B4GALT5: variants seen among roughly 807,000 people sequenced by gnomAD.
The protein encoded by B4GALT5 is UDP-Gal:beta-GlcNAc beta-1,4-galactosyltransferase 5.
Under a neutral mutation model 45.0 loss-of-function variants are expected in B4GALT5, and 11 were observed. That is an observed-to-expected ratio of 0.24 (90% CI 0.15 to 0.40). B4GALT5 has a LOEUF of 0.40. B4GALT5 is among the 10% of genes least tolerant of loss of function. B4GALT5 has a pLI of 1.00. For synonymous variants in B4GALT5, 185 were observed against 182.9 expected (o/e 1.01, Z -0.09); for missense variants, 337 against 500.2 (o/e 0.67, Z 3.11).
At chr20:49,659,401 C>A (rs6019958) in intron 1 of B4GALT5, among the ~76,000 whole-genome samples, 139 of 152,290 alleles carry the variant, frequency 9.1e-4, no homozygotes, top group Non-Finnish European at 1.5e-3. Context: ...CAGTCTCCCC[C>A]CTTCTCCAGT....
At chr20:49,649,304 T>TG (rs559908694) in intron 2 of B4GALT5, among the ~76,000 whole-genome samples, 109 of 152,224 alleles carry the variant, frequency 7.2e-4, no homozygotes, top group African/African-American at 2.5e-3. Context: ...CCAGGCTGGG[T>TG]GGGGTGGCTC....
intron 3 of B4GALT5, among the ~76,000 whole-genome samples, chr20:49,644,956 A>C (rs1249223975): frequency 6.6e-6 from 1 of 152,190 alleles, no homozygotes; most frequent in Non-Finnish European, 1.5e-5. Flanking sequence ...GAAGTGGGGA[A>C]CCATATTAAG....
chr20:49,675,261 C>T (rs1287154337), intron 1 of B4GALT5, among the ~76,000 whole-genome samples: 1 of 152,156 alleles, frequency 6.6e-6, no homozygotes, highest in Admixed American at 6.5e-5. Context: ...CCCACACACC[C>T]CACAGTCAAG....
chr20:49,677,787 C>T (rs2085745342), intron 1 of B4GALT5, among the ~76,000 whole-genome samples: 1 of 152,182 alleles, frequency 6.6e-6, no homozygotes, highest in Admixed American at 6.5e-5. Flanking sequence ...ACTCTAACGC[C>T]CTGGCTGGAG....
chr20:49,709,088 T>C (rs767095194), intron 1 of B4GALT5, among the ~76,000 whole-genome samples: 8 of 152,204 alleles, frequency 5.3e-5, no homozygotes, highest in Non-Finnish European at 1.0e-4. Flanking sequence ...ATTAAGATTT[T>C]AAATCAGCAC....
chr20:49,663,780 A>T (rs999996777), intron 1 of B4GALT5, among the ~76,000 whole-genome samples: 19 of 150,630 alleles, frequency 1.3e-4, no homozygotes, highest in African/African-American at 4.4e-4. Flanking sequence ...AATAATTCTA[A>T]TAATACATTG....
intron 1 of B4GALT5, among the ~76,000 whole-genome samples, chr20:49,665,106 A>C (rs1001880548): frequency 1.3e-5 from 2 of 152,144 alleles, no homozygotes; most frequent in Non-Finnish European, 2.9e-5. Flanking sequence ...GGAGTGGCCA[A>C]GTTCCCAACT....
chr20:49,694,794 C>G (rs1006219371), intron 1 of B4GALT5, among the ~76,000 whole-genome samples: 1 of 143,900 alleles, frequency 6.9e-6, no homozygotes, highest in Non-Finnish European at 1.5e-5. Context: ...ATTTCATCCA[C>G]GAGGAAAACC....
chr20:49,664,759 T>C (rs1189695823), intron 1 of B4GALT5, among the ~76,000 whole-genome samples: 2 of 152,174 alleles, frequency 1.3e-5, no homozygotes, highest in African/African-American at 4.8e-5. Flanking sequence ...TATATTGAAG[T>C]ATTTAGAGGT....
At chr20:49,709,686 T>C (rs2085899582) in intron 1 of B4GALT5, among the ~76,000 whole-genome samples, 1 of 152,006 alleles carries the variant, frequency 6.6e-6, no homozygotes, top group African/African-American at 2.4e-5. Context: ...GGAGAATCCT[T>C]TGAACCTGGG....
At chr20:49,681,216 T>TAA (rs10628956) in intron 1 of B4GALT5, among the ~76,000 whole-genome samples, 12,052 of 72,284 alleles carry the variant, frequency 0.17, 1,883 homozygotes, top group African/African-American at 0.38. Context: ...ACCCCATCTC[T>TAA]AAAAAAAAAA....
At chr20:49,671,242 G>C (rs2085714717) in intron 1 of B4GALT5, among the ~76,000 whole-genome samples, 1 of 152,110 alleles carries the variant, frequency 6.6e-6, no homozygotes, top group African/African-American at 2.4e-5. Context: ...AACCGGGTGT[G>C]GTGGTGCATG....
intron 1 of B4GALT5, among the ~76,000 whole-genome samples, chr20:49,658,169 T>C (rs2085651005): frequency 6.6e-6 from 1 of 152,172 alleles, no homozygotes; most frequent in Admixed American, 6.5e-5. Context: ...TTGTGTTTAT[T>C]CTCTAGTAGC....
At chr20:49,663,137 G>A (rs931494463) in intron 1 of B4GALT5, among the ~76,000 whole-genome samples, 10 of 152,194 alleles carry the variant, frequency 6.6e-5, no homozygotes, top group African/African-American at 2.4e-4. Flanking sequence ...ATTCCATGTA[G>A]ATAAAATACA....
At chr20:49,703,095 AC>A (rs1299919490) in intron 1 of B4GALT5, among the ~76,000 whole-genome samples, 1 of 141,850 alleles carries the variant, frequency 7.0e-6, no homozygotes, top group Non-Finnish European at 1.5e-5. Context: ...AATGGCACGA[AC>A]CCGGGAGGCG....
chr20:49,664,435 C>T (rs1027601375), intron 1 of B4GALT5, among the ~76,000 whole-genome samples: 324 of 138,106 alleles, frequency 2.3e-3, no homozygotes, highest in African/African-American at 8.1e-3. Context: ...CACACACACA[C>T]ACACACACAC....
At position 49,636,459 on chromosome 20, in the gene B4GALT5, C is replaced by T. The variant is rs762252417; in HGVS notation, c.1020G>A (p.Arg340=). 24 of 1,614,034 alleles carry T rather than the reference C, an allele frequency of 1.5e-5. No homozygotes were observed. In the African/African-American group the frequency reaches 3.1e-4, roughly 21 times the overall value. ...HHRGEVQFLG[R]YALLRKSKER... is the part of the protein sequence containing the mutation. The stretch of plus-strand genomic sequence containing the variant: ...CTTTTGACTTCCTCAGCAGAGCATA[C>T]CTGTTTAGGGAGGGAACAGAGAAGA... The change falls in exon 9 of 9, where the codon AGG becomes AGA. Residue 340 remains arginine, a splice_region_variant and synonymous_variant. Transcript: ENST00000371711.
chr20:49,711,699 C>T (rs2146365586), intron 1 of B4GALT5, among the ~76,000 whole-genome samples: 1 of 152,348 alleles, frequency 6.6e-6, no homozygotes, highest in East Asian at 1.9e-4. Context: ...CATCAGGCCA[C>T]ATATTATGCC....
intron 1 of B4GALT5, among the ~76,000 whole-genome samples, chr20:49,664,038 T>C (rs1301663297): frequency 6.6e-6 from 1 of 152,130 alleles, no homozygotes; most frequent in East Asian, 1.9e-4. Context: ...TGATCACAAC[T>C]GACATTTGTA....
Sources: gnomAD v4.1 joint callset for allele counts (sites outside exome capture counted in the v4.1 genomes callset) on GRCh38, gnomAD v4.1.1 for gene constraint, MANE v1.5 for transcripts, NCBI Gene and HGNC (gene_info 2026-07-23, HGNC 2026-07-21) for gene names.